LRRC37A: variants seen among roughly 807,000 people sequenced by gnomAD.
The protein encoded by LRRC37A is leucine-rich repeat-containing protein 37A.
LRRC37A carries 3 observed loss-of-function variants against 35.4 expected under a neutral mutation model. The ratio of observed to expected loss-of-function variants is 0.08; its 90% CI spans 0.04 to 0.22. The LOEUF (loss-of-function observed/expected upper bound fraction) is 0.22. LRRC37A is among the 10% of genes least tolerant of loss of function. The pLI, the probability that LRRC37A is intolerant of heterozygous loss-of-function variation, is 1.00. For synonymous variants in LRRC37A, 23 were observed against 215.0 expected, an observed-to-expected ratio of 0.11 and a Z score of 7.81; for missense variants, 67 against 565.3, an observed-to-expected ratio of 0.12 and a Z score of 8.94.
the LRRC37A span, among the ~76,000 whole-genome samples, chr17:46,259,318 T>A: frequency 1.3e-5 from 2 of 151,918 alleles, no homozygotes; most frequent in Non-Finnish European, 2.9e-5. Context: ...CTGGGTCAGG[T>A]TGGACCCTGG....
upstream of LRRC37A, among the ~76,000 whole-genome samples, chr17:46,287,830 T>G (rs1421742143): frequency 2.6e-5 from 4 of 152,252 alleles, no homozygotes. Flanking sequence ...TGTGTAAGTG[T>G]GTGATTGTGG....
the LRRC37A span, among the ~76,000 whole-genome samples, chr17:46,258,529 CAT>C: frequency 0.12 from 18,347 of 149,076 alleles, 1 homozygote; most frequent in Non-Finnish European, 0.19. Context: ...CTTGCACACA[CAT>C]GTTTATAGTA....
At chr17:46,287,732 G>T in the LRRC37A span, among the ~76,000 whole-genome samples, 2 of 151,884 alleles carry the variant, frequency 1.3e-5, no homozygotes, top group Admixed American at 6.6e-5. Context: ...CAACATCGGG[G>T]ACATGGTATG....
the LRRC37A span, among the ~76,000 whole-genome samples, chr17:46,254,432 T>TATTC: frequency 6.6e-6 from 1 of 152,176 alleles, no homozygotes. Context: ...TTTATTTATT[T>TATTC]ATTTAGAGAC....
At chr17:46,275,299 TA>T in the LRRC37A span, 4 of 696,442 alleles carry the variant, frequency 5.7e-6, no homozygotes, top group Non-Finnish European at 9.2e-6. Context: ...ATAGCCTCAC[TA>T]AAAAGATCTG....
At chr17:46,275,360 T>C in the LRRC37A span, 1 of 989,958 alleles carries the variant, frequency 1.0e-6, no homozygotes, top group Non-Finnish European at 1.5e-6. Context: ...CTGTGTTTTA[T>C]GTTAGGTTAA....
At chr17:46,282,417 GTT>G in the LRRC37A span, among the ~76,000 whole-genome samples, 1 of 144,410 alleles carries the variant, frequency 6.9e-6, no homozygotes, top group Non-Finnish European at 1.5e-5. Context: ...TTTTTTGTTT[GTT>G]TTTTTTTTTT....
At chr17:46,256,078 G>A in the LRRC37A span, among the ~76,000 whole-genome samples, 1 of 152,092 alleles carries the variant, frequency 6.6e-6, no homozygotes, top group South Asian at 2.1e-4. Context: ...ATGATGGGAT[G>A]AGTGTCTTAA....
At chr17:46,258,355 C>A in the LRRC37A span, among the ~76,000 whole-genome samples, 1 of 152,102 alleles carries the variant, frequency 6.6e-6, no homozygotes. Context: ...GGATTACAGG[C>A]GTGTGCCACT....
rs541567328 is a variant in LRRC37A, at chr17:46,314,851, T to C, written c.2907-7471T>C. Reference sequence around the variant, plus strand: ...GGATACCAGGTTAATATCACCCTCATAGAATAAGTTAGGAAATGTTCTCTC... The same window carrying C: ...GGATACCAGGTTAATATCACCCTCACAGAATAAGTTAGGAAATGTTCTCTC... On this transcript the variant is annotated intron_variant, in intron 5 of 13. Transcript: ENST00000320254. Among the ~76,000 whole-genome samples the C allele has an allele frequency of 3.7e-5, 3 of 81,862 alleles. 1 individual carries two copies. Among genetic ancestry groups the C allele is most frequent in the East Asian group, 2.4e-4 (1 of 4,174 alleles). The allele number at this position is 81,862 out of a possible 152,430, so 53.7% of individuals were successfully genotyped here.
At chr17:46,292,688 G>C (rs1164521275), upstream of LRRC37A, 1 of 79,104 alleles carries the variant, frequency 1.3e-5, no homozygotes, top group African/African-American at 3.2e-5. Context: ...CCAGAGATGT[G>C]GGGAGAAGGT....
At chr17:46,259,017 C>CTGTTTTTT in the LRRC37A span, among the ~76,000 whole-genome samples, 1 of 24,992 alleles carries the variant, frequency 4.0e-5, no homozygotes, top group Non-Finnish European at 1.4e-4. Context: ...CGCACCCGGC[C>CTGTTTTTT]TATTTTTTTT....
chr17:46,291,922 C>T (rs2050079550), upstream of LRRC37A, among the ~76,000 whole-genome samples: 1 of 147,662 alleles, frequency 6.8e-6, no homozygotes, highest in Admixed American at 6.8e-5. Context: ...GATTGCACCG[C>T]TGCACTCCAG....
At chr17:46,279,412 G>A in the LRRC37A span, among the ~76,000 whole-genome samples, 18 of 151,396 alleles carry the variant, frequency 1.2e-4, no homozygotes, top group Non-Finnish European at 2.1e-4. Context: ...TTGAACTCCC[G>A]ACCTCAGGTG....
chr17:46,274,582 C>T, the LRRC37A span, among the ~76,000 whole-genome samples: 3 of 152,152 alleles, frequency 2.0e-5, no homozygotes, highest in South Asian at 2.1e-4. Flanking sequence ...TATATGTAAC[C>T]GTGGCTGGAT....
chr17:46,265,261 CTTCT>C, the LRRC37A span, among the ~76,000 whole-genome samples: 5 of 20,382 alleles, frequency 2.5e-4, no homozygotes, highest in African/African-American at 3.9e-4. Context: ...TCTTCTTCTT[CTTCT>C]TCTTCTTCTT....
the LRRC37A span, among the ~76,000 whole-genome samples, chr17:46,255,441 C>T: frequency 1.4e-5 from 2 of 145,964 alleles, no homozygotes; most frequent in Non-Finnish European, 3.0e-5. Flanking sequence ...TCTCTGCTCA[C>T]TGCAACCTCC....
the LRRC37A span, among the ~76,000 whole-genome samples, chr17:46,265,638 C>T: frequency 0.11 from 16,469 of 145,498 alleles, 1 homozygote; most frequent in Middle Eastern, 0.19. Context: ...CTACCATGCC[C>T]GGCTAATTTT....
At chr17:46,282,020 A>G in the LRRC37A span, among the ~76,000 whole-genome samples, 3 of 151,852 alleles carry the variant, frequency 2.0e-5, no homozygotes, top group East Asian at 5.8e-4. Flanking sequence ...TTGCCTATAT[A>G]TATATTCATT....
Sources: allele counts gnomAD v4.1 joint callset (sites outside exome capture counted in the v4.1 genomes callset), GRCh38; gene constraint gnomAD v4.1.1; transcripts MANE v1.5; gene names NCBI Gene and HGNC (gene_info 2026-07-23, HGNC 2026-07-21).